The following USP34 variants were observed in gnomAD, a reference collection of about 807,000 sequenced individuals.
The protein encoded by USP34 is ubiquitin carboxyl-terminal hydrolase 34.
Under a neutral mutation model 460.3 loss-of-function variants are expected in USP34, and 70 were observed. The ratio of observed to expected loss-of-function variants is 0.15; its 90% confidence interval spans 0.13 to 0.19. The LOEUF (loss-of-function observed/expected upper bound fraction) is 0.19, where lower values mean the gene tolerates loss of function less well. Ranked by LOEUF, USP34 falls within the 10% of genes least tolerant of loss-of-function variation. The probability of loss-of-function intolerance (pLI) is 1.00; values close to 1 mark genes in which losing one functional copy is unlikely to be tolerated. For synonymous variants in USP34, 1,647 were observed against 1,405.3 expected, an observed-to-expected ratio of 1.17 and a Z score of -3.85; for missense variants, 3,985 against 4,236.2, an observed-to-expected ratio of 0.94 and a Z score of 1.65.
At chr2:61,393,866 A>T (rs1276070136) in intron 5 of USP34, among the ~76,000 whole-genome samples, 2 of 152,166 alleles carry the variant, frequency 1.3e-5, no homozygotes, top group Non-Finnish European at 2.9e-5. Flanking sequence ...GGCCGGGCAC[A>T]GTCGCTCACG....
intron 14 of USP34, 134 bp from the exon 15 acceptor site, chr2:61,348,614 T>A (rs1691844279): frequency 6.9e-7 from 1 of 1,439,634 alleles, no homozygotes; most frequent in Non-Finnish European, 9.2e-7. Context: ...AAAATGGAAT[T>A]AAAAACTCAA....
chr2:61,365,503 A>G (rs905387171), intron 10 of USP34, among the ~76,000 whole-genome samples: 1 of 152,138 alleles, frequency 6.6e-6, no homozygotes, highest in Non-Finnish European at 1.5e-5. Flanking sequence ...GAATAAACAA[A>G]AGAGACATTT....
intron 21 of USP34, among the ~76,000 whole-genome samples, chr2:61,323,182 C>T (rs1433690118): frequency 2.6e-5 from 4 of 152,082 alleles, no homozygotes; most frequent in Admixed American, 6.5e-5. Context: ...GAGTTTCAGA[C>T]CAGGCTGGGC....
intron 69 of USP34, among the ~76,000 whole-genome samples, chr2:61,210,719 C>G (rs1166275782): frequency 1.3e-5 from 2 of 151,850 alleles, no homozygotes; most frequent in Non-Finnish European, 2.9e-5. Context: ...AGCTCCAAAT[C>G]TTTTTTTTCT....
chr2:61,313,190 T>C (rs182268322), intron 25 of USP34, among the ~76,000 whole-genome samples: 125 of 152,204 alleles, frequency 8.2e-4, no homozygotes, highest in Admixed American at 1.6e-3. Flanking sequence ...ACATTAACTT[T>C]TAGCATAAAA....
chr2:61,347,126 C>A (rs946619749), intron 15 of USP34, among the ~76,000 whole-genome samples: 1 of 151,602 alleles, frequency 6.6e-6, no homozygotes, highest in African/African-American at 2.4e-5. Flanking sequence ...GGCAACAGAG[C>A]GAGACCCTGT....
intron 1 of USP34, among the ~76,000 whole-genome samples, chr2:61,440,430 T>C (rs1694930783): frequency 6.6e-6 from 1 of 152,054 alleles, no homozygotes; most frequent in African/African-American, 2.4e-5. Context: ...TTCCTGTTCC[T>C]CCATGGAAGG....
At chr2:61,279,936 C>G (rs1158482449) in intron 39 of USP34, among the ~76,000 whole-genome samples, 1 of 152,158 alleles carries the variant, frequency 6.6e-6, no homozygotes, top group Non-Finnish European at 1.5e-5. Flanking sequence ...TTATAGAAAG[C>G]TGTATTTTTA....
intron 71 of USP34, among the ~76,000 whole-genome samples, chr2:61,206,499 C>G (rs1687123946): frequency 6.6e-6 from 1 of 152,176 alleles, no homozygotes; most frequent in Non-Finnish European, 1.5e-5. Flanking sequence ...CAGCTTGTTA[C>G]TGTGTTTGGA....
intron 1 of USP34, among the ~76,000 whole-genome samples, chr2:61,445,949 A>G (rs1440303239): frequency 6.8e-6 from 1 of 147,372 alleles, no homozygotes; most frequent in East Asian, 2.0e-4. Flanking sequence ...CTCTGTTTCA[A>G]AAAAAAAAAA....
At chr2:61,425,902 T>TG (rs1003718269) in intron 1 of USP34, among the ~76,000 whole-genome samples, 10 of 150,700 alleles carry the variant, frequency 6.6e-5, no homozygotes, top group East Asian at 3.9e-4. Context: ...GAAGGAAGAG[T>TG]GGGGGGGACT....
intron 19 of USP34, among the ~76,000 whole-genome samples, chr2:61,333,221 C>A (rs1157441095): frequency 1.3e-5 from 2 of 152,022 alleles, no homozygotes; most frequent in East Asian, 3.8e-4. Context: ...TTGTAACATT[C>A]ATTAATCATA....
intron 2 of USP34, chr2:61,417,234 C>T (rs1035988745): frequency 2.1e-6 from 3 of 1,407,242 alleles, no homozygotes; most frequent in South Asian, 1.1e-5. Flanking sequence ...CACGAACATA[C>T]ATCTGAAAGG....
At position 61,348,416 on chromosome 2, in the gene USP34, C is replaced by G; in HGVS notation, c.1739G>C (p.Gly580Ala). The change falls in exon 15 of 80, where the codon GGT becomes GCT. Residue 580 changes from glycine to alanine, a missense_variant. Physicochemically the swap from Gly to Ala is moderately conservative, Grantham distance 60. Coordinates refer to ENST00000398571, the MANE Select transcript of USP34 (RefSeq NM_014709.4). ...NSGEDGSSGP[G>A]SSSGHSDGSS... The stretch of plus-strand genomic sequence containing the variant: ...TCCATCACTATGCCCACTACTGCTA[C>G]CAGGACCACTGCTTCCATCTTCACC... 1 of 1,613,716 alleles carries G rather than the reference C, an allele frequency of 6.2e-7. No homozygotes were observed. Among genetic ancestry groups the G allele is most frequent in the East Asian group, 2.2e-5 (1 of 44,892 alleles).
At chr2:61,353,760 A>T (rs540825792) in intron 10 of USP34, among the ~76,000 whole-genome samples, 7 of 152,140 alleles carry the variant, frequency 4.6e-5, no homozygotes, top group Admixed American at 1.3e-4. Context: ...ACTTTATCTC[A>T]AAGATAGTAA....
chr2:61,294,512 G>A (rs1443596980), intron 32 of USP34, among the ~76,000 whole-genome samples: 6 of 151,956 alleles, frequency 3.9e-5, no homozygotes, highest in African/African-American at 1.2e-4. Flanking sequence ...TCCACCTCCT[G>A]GGTTCAAGTG....
chr2:61,443,598 C>T (rs985862940), intron 1 of USP34, among the ~76,000 whole-genome samples: 2 of 151,770 alleles, frequency 1.3e-5, no homozygotes, highest in African/African-American at 4.8e-5. Flanking sequence ...TGTATGATTT[C>T]AACTATGTGA....
At chr2:61,279,696 C>T (rs1042461683) in intron 39 of USP34, among the ~76,000 whole-genome samples, 2 of 150,472 alleles carry the variant, frequency 1.3e-5, no homozygotes, top group African/African-American at 5.0e-5. Context: ...CATCTTTTGA[C>T]CTTGTGATCC....
At chr2:61,286,187 T>G (rs1489005610) in intron 34 of USP34, among the ~76,000 whole-genome samples, 1 of 152,166 alleles carries the variant, frequency 6.6e-6, no homozygotes, top group Non-Finnish European at 1.5e-5. Context: ...TTAAATAAGT[T>G]AGTGTTCTTC....
Sources: allele counts gnomAD v4.1 joint callset (sites outside exome capture counted in the v4.1 genomes callset), GRCh38; gene constraint gnomAD v4.1.1; transcripts MANE v1.5; gene names NCBI Gene and HGNC (gene_info 2026-07-23, HGNC 2026-07-21).